Variants in SLC14A2 observed in about 807,000 individuals in gnomAD.
SLC14A2 encodes solute carrier family 14 member 2, also known as urea transporter 2.
In SLC14A2, 91 loss-of-function variants were observed where a neutral mutation model predicts 104.6. The observed-to-expected ratio is 0.87, with a 90% CI of 0.73 to 1.04. The LOEUF (loss-of-function observed/expected upper bound fraction) is 1.04. SLC14A2 is among the 50% of genes least tolerant of loss of function. The pLI is 0.00. For missense variants in SLC14A2, 1,189 were observed against 1,156.0 expected, an observed-to-expected ratio of 1.03 and a Z score of -0.41; for synonymous variants, 476 against 466.4, an observed-to-expected ratio of 1.02 and a Z score of -0.27.
At chr18:45,472,200 C>G (rs999185271) in intron 1 of SLC14A2, among the ~76,000 whole-genome samples, 8 of 147,676 alleles carry the variant, frequency 5.4e-5, no homozygotes, top group African/African-American at 1.7e-4. Flanking sequence ...CCGCAAGGAA[C>G]ATGAACTCAT....
chr18:45,324,221 A>C (rs146637615), intron 1 of SLC14A2, among the ~76,000 whole-genome samples: 2 of 152,174 alleles, frequency 1.3e-5, no homozygotes, highest in African/African-American at 4.8e-5. Flanking sequence ...TAGTGAACCC[A>C]TAGCAGTGGA....
At position 45,506,518 on chromosome 18, in the gene SLC14A2, T is replaced by G. The variant is rs572794155; in HGVS notation, c.-35+23196T>G. On this transcript the variant is annotated intron_variant, in intron 2 of 20. Coordinates refer to the SLC14A2 transcript ENST00000586448. ...TAAGGCTCTCCAAATGATATAATCC[T>G]AGATAGGGCGGACCCAAAAATCCAA... is the stretch of plus-strand genomic sequence containing the variant. Among the ~76,000 whole-genome samples, 4 of 152,214 alleles carry G rather than the reference T, an allele frequency of 2.6e-5. No individual in the cohort carries two copies. In the Middle Eastern group the frequency reaches 0.014, roughly 518 times the overall value.
At chr18:45,320,261 A>C (rs2085171779) in intron 1 of SLC14A2, among the ~76,000 whole-genome samples, 1 of 152,118 alleles carries the variant, frequency 6.6e-6, no homozygotes, top group South Asian at 2.1e-4. Context: ...GATGATCTCT[A>C]ATTTTTGGCA....
intron 2 of SLC14A2, among the ~76,000 whole-genome samples, chr18:45,559,002 G>A (rs140243230): frequency 1.5e-4 from 23 of 152,174 alleles, no homozygotes; most frequent in Non-Finnish European, 2.5e-4. Context: ...TGTTGGCCAG[G>A]TTGGTCTCAA....
At chr18:45,287,987 C>T (rs2084832347) in intron 1 of SLC14A2, among the ~76,000 whole-genome samples, 1 of 152,178 alleles carries the variant, frequency 6.6e-6, no homozygotes, top group African/African-American at 2.4e-5. Context: ...TTGTCTCCTG[C>T]CCAGTGGCTT....
At chr18:45,245,009 C>T (rs1052889380) in intron 1 of SLC14A2, among the ~76,000 whole-genome samples, 1 of 152,196 alleles carries the variant, frequency 6.6e-6, no homozygotes, top group African/African-American at 2.4e-5. Flanking sequence ...CAATCCAACT[C>T]TTCTGGCTAA....
chr18:45,500,011 ATAACTC>A (rs1347230090), intron 2 of SLC14A2, among the ~76,000 whole-genome samples: 1 of 152,224 alleles, frequency 6.6e-6, no homozygotes, highest in Non-Finnish European at 1.5e-5. Flanking sequence ...TTCCTACAAA[ATAACTC>A]TAGAGTCAAA....
intron 1 of SLC14A2, among the ~76,000 whole-genome samples, chr18:45,274,391 C>T (rs771147511): frequency 6.6e-6 from 1 of 152,134 alleles, no homozygotes; most frequent in Non-Finnish European, 1.5e-5. Context: ...TTTTGGAAGT[C>T]TTTGGGGTTA....
chr18:45,506,853 T>A (rs1213794834), intron 2 of SLC14A2, among the ~76,000 whole-genome samples: 2 of 152,206 alleles, frequency 1.3e-5, no homozygotes, highest in Non-Finnish European at 2.9e-5. Context: ...TACCATGGTG[T>A]ACAAAATCCT....
At chr18:45,220,467 C>T (rs1320569821) in intron 1 of SLC14A2, among the ~76,000 whole-genome samples, 2 of 152,216 alleles carry the variant, frequency 1.3e-5, no homozygotes, top group African/African-American at 4.8e-5. Flanking sequence ...TGTTGGGCAG[C>T]CACTAATTCA....
At chr18:45,511,407 G>T (rs918998649) in intron 2 of SLC14A2, among the ~76,000 whole-genome samples, 8 of 152,002 alleles carry the variant, frequency 5.3e-5, no homozygotes, top group African/African-American at 1.9e-4. Flanking sequence ...ATCCTTTTGG[G>T]ATCCACTAGA....
intron 1 of SLC14A2, among the ~76,000 whole-genome samples, chr18:45,323,664 A>C (rs1266793361): frequency 6.6e-6 from 1 of 152,184 alleles, no homozygotes; most frequent in Non-Finnish European, 1.5e-5. Flanking sequence ...AATGACATTG[A>C]GTCAATGTGT....
chr18:45,392,157 C>T (rs1377366061), intron 1 of SLC14A2, among the ~76,000 whole-genome samples: 1 of 152,194 alleles, frequency 6.6e-6, no homozygotes, highest in Non-Finnish European at 1.5e-5. Context: ...TGCATTACCT[C>T]CTTGGAGTGG....
intron 1 of SLC14A2, among the ~76,000 whole-genome samples, chr18:45,341,786 C>A (rs1464138564): frequency 6.6e-6 from 1 of 151,680 alleles, no homozygotes; most frequent in African/African-American, 2.4e-5. Flanking sequence ...ACAGGTTTCA[C>A]CATGTTGGCC....
rs76438198 is a variant in SLC14A2, at chr18:45,327,786, A to G, written c.-125+114595A>G. Among the ~76,000 whole-genome samples the G allele has an allele frequency of 6.8e-3, 1,036 of 152,194 alleles. 9 individuals are homozygous for G. The highest frequency in any genetic ancestry group is 0.023 in the African/African-American group (972 of 41,542). On this transcript the variant is annotated intron_variant, in intron 1 of 20. Coordinates refer to the SLC14A2 transcript ENST00000586448. The stretch of plus-strand genomic sequence containing the variant: ...TTGATGGACTAGGCCAGGCACTTTT[A>G]TTATGTCATTGGTTGGGTGTGATGT...
intron 2 of SLC14A2, among the ~76,000 whole-genome samples, chr18:45,608,072 C>T (rs564957107): frequency 7.9e-5 from 12 of 152,324 alleles, no homozygotes; most frequent in Admixed American, 2.0e-4. Flanking sequence ...TTCTGGTTTC[C>T]GTTAGAGTAC....
At chr18:45,274,029 T>A (rs1297011220) in intron 1 of SLC14A2, among the ~76,000 whole-genome samples, 1 of 152,162 alleles carries the variant, frequency 6.6e-6, no homozygotes, top group Non-Finnish European at 1.5e-5. Context: ...TGCAATACAA[T>A]GCACACTGCT....
At chr18:45,409,150 C>A (rs1292665449) in intron 1 of SLC14A2, among the ~76,000 whole-genome samples, 4 of 152,194 alleles carry the variant, frequency 2.6e-5, no homozygotes, top group Admixed American at 6.5e-5. Context: ...TACTCTGCTG[C>A]TAGAATTGAG....
intron 1 of SLC14A2, among the ~76,000 whole-genome samples, chr18:45,239,077 C>T (rs143552850): frequency 6.6e-5 from 10 of 152,192 alleles, no homozygotes; most frequent in South Asian, 2.1e-4. Flanking sequence ...AGTTTCCTAC[C>T]GGGAATGTTG....
Sources: gnomAD v4.1 joint callset for allele counts (sites outside exome capture counted in the v4.1 genomes callset) on GRCh38, gnomAD v4.1.1 for gene constraint, MANE v1.5 for transcripts, NCBI Gene and HGNC (gene_info 2026-07-23, HGNC 2026-07-21) for gene names.